The following AMOTL1 variants were observed in gnomAD, a reference collection of about 807,000 sequenced individuals.
AMOTL1 encodes the protein angiomotin-like protein 1.
In AMOTL1, 45 loss-of-function variants were observed where a neutral mutation model predicts 102.9. The ratio of observed to expected loss-of-function variants is 0.44; its 90% CI spans 0.34 to 0.56. The LOEUF is 0.56. Ranked by LOEUF, AMOTL1 falls within the 20% of genes least tolerant of loss-of-function variation. The pLI is 0.01. For missense variants in AMOTL1, 1,114 were observed against 1,225.6 expected (o/e 0.91, Z 1.36); for synonymous variants, 481 against 484.7 (o/e 0.99, Z 0.10).
chr11:94,850,077 T>C, intron 6 of AMOTL1, 37 bp from the exon 7 acceptor site: 1 of 1,559,496 alleles, frequency 6.4e-7, no homozygotes, highest in Non-Finnish European at 8.7e-7. Context: ...GTGTGCAATT[T>C]CTGATAGAGG....
At position 94,874,854 on chromosome 11, in the gene AMOTL1, T is replaced by G. The variant is rs1271055295; in HGVS notation, c.*4059T>G. 6.6e-6 allele frequency: 1 copy of G among 152,208 alleles called. No homozygotes were observed. Among genetic ancestry groups the G allele is most frequent in the Non-Finnish European group, 1.5e-5 (1 of 68,036 alleles). The allele number at this position is 152,208 out of a possible 1,614,324, so 9.4% of individuals were successfully genotyped here. ...CTCATGTTTTGACTGCAGGGAGTTATGCTGAGCAAAGAGATGTGTTTTTCA... is the reference window on the plus strand; with the variant it reads ...CTCATGTTTTGACTGCAGGGAGTTAGGCTGAGCAAAGAGATGTGTTTTTCA... On this transcript the variant is annotated 3_prime_UTR_variant, in exon 13 of 13. Transcript: ENST00000433060.
At chr11:94,778,419 G>T (rs1185922645) in intron 1 of AMOTL1, among the ~76,000 whole-genome samples, 1 of 152,142 alleles carries the variant, frequency 6.6e-6, no homozygotes, top group Non-Finnish European at 1.5e-5. Flanking sequence ...TAAGACTCCA[G>T]AACTGGAAAC....
At chr11:94,792,464 TAATA>T (rs1299071849) in intron 1 of AMOTL1, among the ~76,000 whole-genome samples, 7 of 152,298 alleles carry the variant, frequency 4.6e-5, no homozygotes, top group East Asian at 1.9e-4. Context: ...ATTTAAAGTA[TAATA>T]AATAAATAAA....
chr11:94,855,468 C>T (rs1485244575), intron 8 of AMOTL1, among the ~76,000 whole-genome samples: 2 of 152,204 alleles, frequency 1.3e-5, no homozygotes, highest in African/African-American at 4.8e-5. Flanking sequence ...CTGAGATCTT[C>T]GCTTCCCCAT....
Position 94,800,282 on chromosome 11 carries a change from C to G in AMOTL1, c.1092C>G (p.Tyr364Ter). The G allele has an allele frequency of 6.2e-7, 1 of 1,610,608 alleles. No homozygotes were observed. The highest frequency in any genetic ancestry group is 8.5e-7 in the Non-Finnish European group (1 of 1,178,448). Residue 364 changes from tyrosine to a stop codon, truncating the protein, a stop_gained, in exon 3 of 13, where the codon TAC becomes TAG. Coordinates refer to ENST00000433060, the MANE Select transcript of AMOTL1 (RefSeq NM_130847.3). LOFTEE classifies it high-confidence loss of function. ...PVRTDVAVLRYQPPPEYGVTS... is the reference protein window; with the variant it reads ...PVRTDVAVLR ...GAACAGATGTGGCCGTCCTGCGGTA[C>G]CAGCCACCCCCTGAGTATGGGGTAA...
chr11:94,828,721 T>A (rs991763837), intron 4 of AMOTL1, among the ~76,000 whole-genome samples: 2 of 152,170 alleles, frequency 1.3e-5, no homozygotes, highest in African/African-American at 4.8e-5. Context: ...TATTTATTAT[T>A]TATAGGAGTC....
intron 6 of AMOTL1, among the ~76,000 whole-genome samples, chr11:94,831,988 C>T (rs1051668414): frequency 2.3e-4 from 35 of 152,186 alleles, no homozygotes; most frequent in African/African-American, 8.4e-4. Context: ...TAAGTGATCG[C>T]ATTATATATC....
chr11:94,722,222 T>C (rs1014658551), intron 1 of AMOTL1, among the ~76,000 whole-genome samples: 1 of 152,124 alleles, frequency 6.6e-6, no homozygotes, highest in African/African-American at 2.4e-5. Context: ...TTGTTTGCAA[T>C]CTCACCCATT....
intron 8 of AMOTL1, among the ~76,000 whole-genome samples, chr11:94,858,648 C>G (rs1265606101): frequency 6.6e-6 from 1 of 152,182 alleles, no homozygotes. Context: ...TGAAATCATT[C>G]TCCCTGGAGT....
intron 3 of AMOTL1, among the ~76,000 whole-genome samples, chr11:94,821,279 G>A (rs1397503686): frequency 6.6e-6 from 1 of 152,122 alleles, no homozygotes; most frequent in Non-Finnish European, 1.5e-5. Context: ...CTTTATTGTT[G>A]GGTGGCTTGC....
rs576459168 is a variant in AMOTL1, at chr11:94,713,129, A to C, written c.-51+6532A>C. 1.3e-3 allele frequency among the ~76,000 whole-genome samples: 191 copies of C among 150,876 alleles called. 1 individual carries two copies. The highest frequency in any genetic ancestry group is 9.2e-3 in the South Asian group (44 of 4,798). ...TAAAAGGCTCTCCTTCTTTCTTTGGATTGGTTTTTCAGCTTTGTCAAGAAA... is the reference window on the plus strand; with the variant it reads ...TAAAAGGCTCTCCTTCTTTCTTTGGCTTGGTTTTTCAGCTTTGTCAAGAAA... On this transcript the variant is annotated intron_variant, in intron 1 of 4. Transcript: ENST00000299004.
At chr11:94,814,863 G>A (rs1336729540) in intron 3 of AMOTL1, among the ~76,000 whole-genome samples, 1 of 152,172 alleles carries the variant, frequency 6.6e-6, no homozygotes, top group African/African-American at 2.4e-5. Flanking sequence ...TACATAGTAA[G>A]CACTGCATAA....
At chr11:94,837,775 A>G (rs978536366) in intron 6 of AMOTL1, among the ~76,000 whole-genome samples, 12 of 152,176 alleles carry the variant, frequency 7.9e-5, no homozygotes, top group African/African-American at 2.9e-4. Context: ...ACAACTACAC[A>G]TGGGTTATGA....
At chr11:94,796,316 T>G (rs988578065) in intron 2 of AMOTL1, among the ~76,000 whole-genome samples, 1 of 152,150 alleles carries the variant, frequency 6.6e-6, no homozygotes, top group Non-Finnish European at 1.5e-5. Context: ...ATGATCAAAG[T>G]TGAGCTTCAG....
At chr11:94,813,442 C>T (rs1378343477) in intron 3 of AMOTL1, among the ~76,000 whole-genome samples, 1 of 152,150 alleles carries the variant, frequency 6.6e-6, no homozygotes. Flanking sequence ...TCAACGTTCC[C>T]CAGGCAAGGT....
Position 94,872,398 on chromosome 11 carries a change from G to C in AMOTL1, c.*1603G>C, listed in dbSNP as rs982803709. 1.3e-5 allele frequency: 2 copies of C among 152,224 alleles called. No individual in the cohort carries two copies. Among genetic ancestry groups the C allele is most frequent in the Non-Finnish European group, 2.9e-5 (2 of 68,084 alleles). The allele number at this position is 152,224 out of a possible 1,614,324, so 9.4% of individuals were successfully genotyped here. ...TGCTTACTTAGAGGAAGAAAGAAAG[G>C]GGGGTACCTCTTCCAAGTACCTTCT... is the stretch of plus-strand genomic sequence containing the variant. On this transcript the variant is annotated 3_prime_UTR_variant, in exon 13 of 13. Coordinates refer to ENST00000433060, the MANE Select transcript of AMOTL1 (RefSeq NM_130847.3).
At chr11:94,715,060 T>G (rs1200217478) in intron 1 of AMOTL1, among the ~76,000 whole-genome samples, 1 of 152,172 alleles carries the variant, frequency 6.6e-6, no homozygotes, top group African/African-American at 2.4e-5. Context: ...TGATGTTGTT[T>G]CTTCATTTTT....
intron 1 of AMOTL1, among the ~76,000 whole-genome samples, chr11:94,721,266 GA>G (rs34788789): frequency 1.3e-5 from 2 of 151,928 alleles, no homozygotes; most frequent in African/African-American, 4.8e-5. Context: ...GATTGGGATG[GA>G]AAAAAATCTA....
intron 11 of AMOTL1, chr11:94,866,545 G>A (rs1389718110): frequency 4.1e-6 from 1 of 245,662 alleles, no homozygotes; most frequent in Non-Finnish European, 8.0e-6. Context: ...CGTCTGGAAA[G>A]GGAGGACAGT....
Sources: allele counts gnomAD v4.1 joint callset (sites outside exome capture counted in the v4.1 genomes callset), GRCh38; gene constraint gnomAD v4.1.1; transcripts MANE v1.5; gene names NCBI Gene and HGNC (gene_info 2026-07-23, HGNC 2026-07-21).